The following ITGB6 variants were observed in gnomAD, a reference collection of about 807,000 sequenced individuals.
ITGB6 encodes the protein integrin subunit beta 6.
Under a neutral mutation model 84.5 loss-of-function variants are expected in ITGB6, and 80 were observed. That is an observed-to-expected ratio of 0.95 (90% CI 0.79 to 1.14). The LOEUF (loss-of-function observed/expected upper bound fraction) is 1.14, where lower values mean the gene tolerates loss of function less well. Among genes scored for constraint, ITGB6 ranks in the 50% most tolerant of loss-of-function variants. The pLI, the probability that ITGB6 is intolerant of heterozygous loss-of-function variation, is 0.00. For synonymous variants in ITGB6, 383 were observed against 354.9 expected, an observed-to-expected ratio of 1.08 and a Z score of -0.89; for missense variants, 1,006 against 968.0, an observed-to-expected ratio of 1.04 and a Z score of -0.52.
At chr2:160,136,483 G>A (rs1319657806) in intron 10 of ITGB6, among the ~76,000 whole-genome samples, 5 of 152,174 alleles carry the variant, frequency 3.3e-5, no homozygotes, top group African/African-American at 4.8e-5. Context: ...CATTGTGGAA[G>A]TCAGTGTGGC....
chr2:160,135,133 C>T (rs1202747637), intron 10 of ITGB6, among the ~76,000 whole-genome samples: 29 of 148,856 alleles, frequency 1.9e-4, no homozygotes, highest in Non-Finnish European at 3.6e-4. Context: ...TTGCAGATGA[C>T]ATGATTGTAT....
At chr2:160,177,944 C>T (rs561602955) in intron 4 of ITGB6, among the ~76,000 whole-genome samples, 34 of 152,196 alleles carry the variant, frequency 2.2e-4, no homozygotes, top group Non-Finnish European at 3.7e-4. Context: ...GGCATGATCT[C>T]GGCTCACTGC....
intron 8 of ITGB6, among the ~76,000 whole-genome samples, chr2:160,141,438 T>G (rs193244231): frequency 6.6e-6 from 1 of 152,166 alleles, no homozygotes; most frequent in Non-Finnish European, 1.5e-5. Flanking sequence ...ATTCCCAAAG[T>G]CAAAAGCAAA....
intron 13 of ITGB6, among the ~76,000 whole-genome samples, chr2:160,108,122 T>G (rs150055690): frequency 2.0e-5 from 3 of 152,046 alleles, no homozygotes; most frequent in African/African-American, 7.2e-5. Context: ...AGAGTGATAA[T>G]TAATGCACAT....
rs576049134 is a variant in ITGB6 at position 160,196,937 on chromosome 2, T to G, written c.142-517A>C. Among the ~76,000 whole-genome samples the G allele has an allele frequency of 3.4e-3, 511 of 152,102 alleles. 3 individuals are homozygous for G. The highest frequency in any genetic ancestry group is 0.012 in the African/African-American group (495 of 41,502). On this transcript the variant is annotated intron_variant, in intron 2 of 14. Transcript: ENST00000283249. The stretch of plus-strand genomic sequence containing the variant: ...TAGTGATAAAGAGAGATTCTGCAGA[T>G]TCCTAAAGGGTAGGGATTGCAACAT...
intron 7 of ITGB6, among the ~76,000 whole-genome samples, chr2:160,155,238 G>A (rs1684579859): frequency 6.6e-6 from 1 of 152,130 alleles, no homozygotes; most frequent in South Asian, 2.1e-4. Context: ...TTGACCATGT[G>A]GCATTCTGGA....
chr2:160,147,766 C>T (rs1363813343), intron 7 of ITGB6, among the ~76,000 whole-genome samples: 1 of 152,058 alleles, frequency 6.6e-6, no homozygotes, highest in Non-Finnish European at 1.5e-5. Flanking sequence ...AACAACTGGA[C>T]ATTCACATGA....
At chr2:160,155,555 A>G (rs1437528908) in intron 7 of ITGB6, among the ~76,000 whole-genome samples, 2 of 152,164 alleles carry the variant, frequency 1.3e-5, no homozygotes, top group South Asian at 2.1e-4. Context: ...ATTTATGGAG[A>G]GAGTAGGTAT....
intron 7 of ITGB6, among the ~76,000 whole-genome samples, chr2:160,160,537 A>G (rs111324733): frequency 5.6e-4 from 85 of 152,334 alleles, no homozygotes; most frequent in African/African-American, 1.7e-3. Flanking sequence ...ATGTTAAACT[A>G]TGTTATCATT....
intron 13 of ITGB6, among the ~76,000 whole-genome samples, chr2:160,108,326 A>G (rs1696993193): frequency 6.6e-6 from 1 of 152,040 alleles, no homozygotes; most frequent in South Asian, 2.1e-4. Context: ...TAAAAGTTAT[A>G]TAAAAACCTA....
intron 4 of ITGB6, among the ~76,000 whole-genome samples, chr2:160,178,212 G>A (rs537387340): frequency 6.6e-6 from 1 of 152,168 alleles, no homozygotes; most frequent in Non-Finnish European, 1.5e-5. Context: ...AACACCACTG[G>A]CCTCAGTGTC....
At chr2:160,141,513 A>T (rs1255014200) in intron 8 of ITGB6, among the ~76,000 whole-genome samples, 1 of 152,246 alleles carries the variant, frequency 6.6e-6, no homozygotes, top group Non-Finnish European at 1.5e-5. Flanking sequence ...TAGAAATTAA[A>T]AAGTGGCATT....
chr2:160,128,930 G>C (rs919812932), intron 10 of ITGB6, among the ~76,000 whole-genome samples: 1 of 152,118 alleles, frequency 6.6e-6, no homozygotes, highest in African/African-American at 2.4e-5. Flanking sequence ...ATATGGGCCT[G>C]AAGTTTGGGG....
In ITGB6 at chr2:160,195,362, TACTTAC is replaced by T; in HGVS notation, c.593+1_593+6del. ...GCACAAAGATGCCAAGAGAATCATT[TACTTAC>T]CTGCAAGGGTTGGCAATTTCTTCTG... On this transcript the variant is annotated splice_donor_variant and splice_donor_5th_base_variant and intron_variant, in intron 4 of 14. Transcript: ENST00000283249. LOFTEE classifies it high-confidence loss of function. 6.2e-7 allele frequency: 1 copy of T among 1,614,028 alleles called. No homozygotes were observed. The highest frequency in any genetic ancestry group is 8.5e-7 in the Non-Finnish European group (1 of 1,179,904).
At position 160,122,781 on chromosome 2, in the gene ITGB6, A is replaced by C. The variant is rs186537800; in HGVS notation, c.1981+1010T>G. On this transcript the variant is annotated intron_variant, in intron 12 of 14. Coordinates refer to ENST00000283249, the MANE Select transcript of ITGB6 (RefSeq NM_000888.5). ...AGAACTCTAAATTTTCAGACAATGT[A>C]AGTAGTCTTCAAAACAATATAAAGT... Among the ~76,000 whole-genome samples, 440 of 152,364 alleles carry C rather than the reference A, an allele frequency of 2.9e-3. 1 individual carries two copies. Among genetic ancestry groups the C allele is most frequent in the Non-Finnish European group, 4.6e-3 (313 of 68,036 alleles).
intron 7 of ITGB6, among the ~76,000 whole-genome samples, chr2:160,148,675 A>G (rs563403419): frequency 9.2e-5 from 14 of 152,356 alleles, no homozygotes; most frequent in African/African-American, 3.4e-4. Context: ...GCAAAGGGTC[A>G]GGGGGATTTC....
chr2:160,119,766 A>T (rs1362228390), intron 12 of ITGB6, among the ~76,000 whole-genome samples: 1 of 152,118 alleles, frequency 6.6e-6, no homozygotes, highest in Non-Finnish European at 1.5e-5. Flanking sequence ...CAACCTACTC[A>T]TCTGACAAAG....
At position 160,195,569 on chromosome 2, in the gene ITGB6, G is replaced by A; in HGVS notation, c.393C>T (p.Tyr131=). 6.2e-7 allele frequency: 1 copy of A among 1,614,110 alleles called. No homozygotes were observed. The highest frequency in any genetic ancestry group is 8.5e-7 in the Non-Finnish European group (1 of 1,179,982). Residue 131 remains tyrosine (Y), a synonymous_variant, in exon 4 of 15, where the codon TAC becomes TAT. Coordinates refer to ENST00000283249, the MANE Select transcript of ITGB6 (RefSeq NM_000888.5). ...CCATGAGGTAATACAAATCCACCGGGTAGTCCTCAGTCTGGCGGACATGCA... is the reference window on the plus strand; with the variant it reads ...CCATGAGGTAATACAAATCCACCGGATAGTCCTCAGTCTGGCGGACATGCA... The part of the protein sequence containing the change: ...LQVHVRQTED[Y]PVDLYYLMDL...
chr2:160,176,762 A>C (rs933665429), intron 4 of ITGB6, among the ~76,000 whole-genome samples: 1 of 152,244 alleles, frequency 6.6e-6, no homozygotes, highest in African/African-American at 2.4e-5. Flanking sequence ...TTCCTGATTA[A>C]AATAATAAGG....
Sources: allele counts gnomAD v4.1 joint callset (sites outside exome capture counted in the v4.1 genomes callset), GRCh38; gene constraint gnomAD v4.1.1; transcripts MANE v1.5; gene names NCBI Gene and HGNC (gene_info 2026-07-23, HGNC 2026-07-21).